Variants in GRTP1 observed in about 807,000 individuals in gnomAD.
The protein encoded by GRTP1 is growth hormone regulated TBC protein 1.
GRTP1 carries 56 observed loss-of-function variants against 38.1 expected under a neutral mutation model. The ratio of observed to expected loss-of-function variants is 1.47; its 90% CI spans 1.19 to 1.84. GRTP1 has a LOEUF of 1.84. GRTP1 is among the 40% of genes most tolerant of loss of function. The pLI, the probability that GRTP1 is intolerant of heterozygous loss-of-function variation, is 0.00. For missense variants in GRTP1, 506 were observed against 453.9 expected, an observed-to-expected ratio of 1.11 and a Z score of -1.04; for synonymous variants, 217 against 189.5, an observed-to-expected ratio of 1.14 and a Z score of -1.19.
chr13:113,352,890 T>C (rs1198012500), intron 3 of GRTP1, among the ~76,000 whole-genome samples: 1 of 152,144 alleles, frequency 6.6e-6, no homozygotes, highest in African/African-American at 2.4e-5. Flanking sequence ...CCCCACACTC[T>C]AGGTAGGAGC....
intron 3 of GRTP1, chr13:113,355,031 A>G: frequency 3.2e-6 from 1 of 308,714 alleles, no homozygotes; most frequent in Non-Finnish European, 6.0e-6. Flanking sequence ...GCGCACCGGC[A>G]ACAGAGGCCG....
intron 5 of GRTP1, among the ~76,000 whole-genome samples, chr13:113,332,586 C>T (rs1199936515): frequency 6.6e-6 from 1 of 152,252 alleles, no homozygotes; most frequent in Non-Finnish European, 1.5e-5. Context: ...CACCACCTCC[C>T]AGTTCCCAGA....
chr13:113,357,943 C>G (rs1358087453), intron 2 of GRTP1, among the ~76,000 whole-genome samples: 3 of 152,182 alleles, frequency 2.0e-5, no homozygotes, highest in Admixed American at 6.6e-5. Flanking sequence ...CTTTGGGAGG[C>G]CAAGGCGGGT....
intron 2 of GRTP1, among the ~76,000 whole-genome samples, chr13:113,363,470 G>A (rs939816240): frequency 6.6e-6 from 1 of 152,190 alleles, no homozygotes; most frequent in Admixed American, 6.5e-5. Context: ...CTCCCAAAGC[G>A]CTGGGATTAC....
At chr13:113,329,083 G>C (rs555469617) in intron 5 of GRTP1, among the ~76,000 whole-genome samples, 1 of 152,274 alleles carries the variant, frequency 6.6e-6, no homozygotes, top group East Asian at 1.9e-4. Context: ...TCTCCAGGGT[G>C]TGCGTGACAC....
At chr13:113,352,282 T>TTTA (rs1258643492) in intron 3 of GRTP1, among the ~76,000 whole-genome samples, 1 of 41,994 alleles carries the variant, frequency 2.4e-5, no homozygotes, top group African/African-American at 8.1e-5. Context: ...TTATATATAT[T>TTTA]TATATATATT....
At chr13:113,325,600 C>T (rs774840495) in intron 7 of GRTP1, 61 bp downstream of exon 7, 105 of 1,611,940 alleles carry the variant, frequency 6.5e-5, no homozygotes, top group Middle Eastern at 1.6e-4. Context: ...GAGCAGCCCC[C>T]GGGCTGCAGG....
Position 113,343,493 on chromosome 13 carries a change from C to T in GRTP1, c.562+1370G>A, listed in dbSNP as rs1183886936. On this transcript the variant is annotated intron_variant, in intron 5 of 7. Coordinates refer to ENST00000375431, the MANE Select transcript of GRTP1 (RefSeq NM_024719.4). The surrounding 1 kb of genome is among the most constrained non-coding windows in gnomAD (Gnocchi z 4.8). ...GAGGGTGGCGCTGATTCCTCCCTGC[C>T]CTTAATGATGCACTTGAGCTTTGCC... Among the ~76,000 whole-genome samples, 1 of 152,180 alleles carries T rather than the reference C, an allele frequency of 6.6e-6. No homozygotes were observed. The highest frequency in any genetic ancestry group is 2.4e-5 in the African/African-American group (1 of 41,432).
chr13:113,336,039 G>A (rs1364400348), intron 5 of GRTP1, among the ~76,000 whole-genome samples: 4 of 152,110 alleles, frequency 2.6e-5, no homozygotes, highest in African/African-American at 7.2e-5. Flanking sequence ...TGATCCACCC[G>A]CCTCGGCCTC....
intron 5 of GRTP1, among the ~76,000 whole-genome samples, chr13:113,330,139 G>A (rs368299983): frequency 1.3e-5 from 2 of 150,456 alleles, no homozygotes; most frequent in Non-Finnish European, 2.9e-5. Context: ...AAACCCAGGA[G>A]TGTGCATGGA....
intron 5 of GRTP1, among the ~76,000 whole-genome samples, chr13:113,326,391 G>GGGGGGGGGGGGGGGGGT (rs2042773357): frequency 1.3e-5 from 1 of 74,196 alleles, no homozygotes. Flanking sequence ...GGGGGGGGGG[G>GGGGGGGGGGGGGGGGGT]CGGGAGCGTG....
intron 3 of GRTP1, among the ~76,000 whole-genome samples, chr13:113,354,605 C>T (rs1419292967): frequency 1.3e-5 from 2 of 151,692 alleles, no homozygotes; most frequent in African/African-American, 2.4e-5. Flanking sequence ...CCCAACTCAC[C>T]GCAACCTCCA....
chr13:113,356,290 C>T (rs975196360), intron 2 of GRTP1, among the ~76,000 whole-genome samples: 4 of 152,014 alleles, frequency 2.6e-5, no homozygotes, highest in African/African-American at 9.6e-5. Context: ...TTTTTCGAGA[C>T]GGAGTCTTGT....
At chr13:113,361,101 C>T (rs1400390052) in intron 2 of GRTP1, among the ~76,000 whole-genome samples, 3 of 84,416 alleles carry the variant, frequency 3.6e-5, no homozygotes, top group East Asian at 7.2e-4. Context: ...CAGAGCTAGA[C>T]TTTGACTCAA....
intron 5 of GRTP1, among the ~76,000 whole-genome samples, chr13:113,331,329 CAG>C (rs1223083536): frequency 6.6e-6 from 1 of 152,196 alleles, no homozygotes; most frequent in Non-Finnish European, 1.5e-5. Flanking sequence ...GTTGGGGGCT[CAG>C]GGGCGGCTGC....
intron 5 of GRTP1, among the ~76,000 whole-genome samples, chr13:113,335,991 C>T (rs559207611): frequency 1.3e-4 from 20 of 152,204 alleles, no homozygotes; most frequent in Non-Finnish European, 2.8e-4. Context: ...AGGGTTTCAC[C>T]GTGTTGACCA....
At chr13:113,355,522 G>C in intron 2 of GRTP1, 41 bp from the exon 3 acceptor site, 1 of 1,547,036 alleles carries the variant, frequency 6.5e-7, no homozygotes, top group Non-Finnish European at 8.7e-7. Context: ...GCTGGACCAG[G>C]GGCCTGCGGG....
intron 2 of GRTP1, among the ~76,000 whole-genome samples, chr13:113,357,695 C>T (rs984537506): frequency 6.6e-6 from 1 of 152,156 alleles, no homozygotes; most frequent in African/African-American, 2.4e-5. Context: ...TCATGACCCT[C>T]AGAGGGCAGC....
At chr13:113,341,362 G>A (rs2139439920) in intron 5 of GRTP1, among the ~76,000 whole-genome samples, 1 of 152,266 alleles carries the variant, frequency 6.6e-6, no homozygotes, top group Non-Finnish European at 1.5e-5. Context: ...TGTCCCCTGG[G>A]TTCAAGCAAT....
Sources: gnomAD v4.1 joint callset for allele counts (sites outside exome capture counted in the v4.1 genomes callset) on GRCh38, gnomAD v4.1.1 for gene constraint, Gnocchi (gnomAD v3.1) non-coding constraint, MANE v1.5 for transcripts, NCBI Gene and HGNC (gene_info 2026-07-23, HGNC 2026-07-21) for gene names.